The following H2AC8 variants were observed in gnomAD, a reference collection of about 807,000 sequenced individuals.
H2AC8 encodes the protein H2A clustered histone 8.
H2AC8 carries 9 observed loss-of-function variants against 6.3 expected under a neutral mutation model. The ratio of observed to expected loss-of-function variants is 1.43; its 90% CI spans 0.86 to 2.49. The LOEUF (loss-of-function observed/expected upper bound fraction) is 2.49. Among genes scored for constraint, H2AC8 ranks in the 30% most tolerant of loss-of-function variants. H2AC8 has a pLI of 0.00. For synonymous variants in H2AC8, 176 were observed against 79.6 expected, an observed-to-expected ratio of 2.21 and a Z score of -6.45; for missense variants, 141 against 177.5, an observed-to-expected ratio of 0.79 and a Z score of 1.17.
At position 26,217,061 on chromosome 6, in the gene H2AC8, C is replaced by T. The variant is rs114224033; in HGVS notation, c.87C>T (p.Gly29=). ...GGGCCGGTCTTCAGTTTCCAGTTGG[C>T]CGTGTGCACCGCCTCCTCCGCAAAG... Residue 29 remains glycine, a synonymous_variant, in exon 1 of 1, where the codon GGC becomes GGT. Transcript: ENST00000303910. 3.1e-6 allele frequency: 5 copies of T among 1,614,212 alleles called. No homozygotes were observed. The South Asian group carries it at 3.3e-5, about 11-fold the overall frequency.
exon 1 of H2AC8, chr6:26,217,284 G>A: frequency 6.2e-7 from 1 of 1,614,166 alleles, no homozygotes; most frequent in Non-Finnish European, 8.5e-7. Context: ...CGTGACCATC[G>A]CGCAGGGCGG....
At chr6:26,216,955 T>C, upstream of H2AC8, 3 of 1,613,654 alleles carry the variant, frequency 1.9e-6, no homozygotes, top group African/African-American at 1.3e-5. Context: ...TGTTAGTTCT[T>C]CTGCTGTTAG....
Position 26,217,165 on chromosome 6 carries a change from T to TA in H2AC8, c.192dup (p.Glu65ArgfsTer11). ...CTGGAATATCTGACGGCCGAGATCTTAGAGCTAGCTGGCAACGCGGCTCGC... is the reference window on the plus strand; with the variant it reads ...CTGGAATATCTGACGGCCGAGATCTTAAGAGCTAGCTGGCAACGCGGCTCGC... On this transcript the variant is annotated frameshift_variant, in exon 1 of 1. Transcript: ENST00000303910. LOFTEE classifies it high-confidence loss of function. The TA allele has an allele frequency of 6.2e-7, 1 of 1,614,068 alleles. No individual in the cohort carries two copies. The highest frequency in any genetic ancestry group is 8.5e-7 in the Non-Finnish European group (1 of 1,180,014).
chr6:26,217,260 A>G (rs1249348208), exon 1 of H2AC8: 1 of 1,614,194 alleles, frequency 6.2e-7, no homozygotes, highest in East Asian at 2.2e-5. Context: ...GGAGCTAAAT[A>G]AGCTTCTAGG....
upstream of H2AC8, chr6:26,216,930 C>T (rs565919024): frequency 4.2e-5 from 67 of 1,605,058 alleles, no homozygotes; most frequent in Admixed American, 2.2e-4. Flanking sequence ...CATTCTTTTT[C>T]TTTATTCAGT....
upstream of H2AC8, chr6:26,216,951 T>A (rs772569892): frequency 5.6e-6 from 9 of 1,613,236 alleles, no homozygotes; most frequent in African/African-American, 6.7e-5. Context: ...GGATTGTTAG[T>A]TCTTCTGCTG....
At chr6:26,217,009 G>C in exon 1 of H2AC8, 2 of 1,614,140 alleles carry the variant, frequency 1.2e-6, no homozygotes, top group Non-Finnish European at 8.5e-7. Context: ...GGCAAAGCTC[G>C]GGCAAAAGCT....
chr6:26,216,929 T>G, upstream of H2AC8: 1 of 1,605,586 alleles, frequency 6.2e-7, no homozygotes, highest in Non-Finnish European at 8.5e-7. Context: ...CCATTCTTTT[T>G]CTTTATTCAG....
chr6:26,217,337 G>C lies in H2AC8; in HGVS notation c.363G>C (p.Thr121=), dbSNP rs760636792. The change falls in exon 1 of 1, where the codon ACG becomes ACC. Residue 121 remains threonine (T), a synonymous_variant. Transcript: ENST00000303910. ...AGGCCGTATTGCTGCCTAAGAAGACGGAGAGCCACCATAAGGCCAAGGGCA... is the reference window on the plus strand; with the variant it reads ...AGGCCGTATTGCTGCCTAAGAAGACCGAGAGCCACCATAAGGCCAAGGGCA... 6 of 1,614,022 alleles carry C rather than the reference G, an allele frequency of 3.7e-6. 1 individual carries two copies. The highest frequency in any genetic ancestry group is 3.3e-5 in the South Asian group (3 of 91,084).
At chr6:26,217,275 G>C in exon 1 of H2AC8, 1 of 1,614,194 alleles carries the variant, frequency 6.2e-7, no homozygotes, top group Non-Finnish European at 8.5e-7. Flanking sequence ...TCTAGGTCGC[G>C]TGACCATCGC....
chr6:26,217,188 C>T, exon 1 of H2AC8: 2 of 1,614,154 alleles, frequency 1.2e-6, no homozygotes, highest in Non-Finnish European at 1.7e-6. Context: ...CAACGCGGCT[C>T]GCGACAATAA....
chr6:26,217,112 C>G (rs1345982684), exon 1 of H2AC8: 2 of 1,614,152 alleles, frequency 1.2e-6, no homozygotes, highest in Non-Finnish European at 1.7e-6. Context: ...GAGTCGGGGC[C>G]GGCGCTCCAG....
chr6:26,217,318 T>A, exon 1 of H2AC8: 1 of 1,614,104 alleles, frequency 6.2e-7, no homozygotes. Context: ...ATCCAGGCCG[T>A]ATTGCTGCCT....
At chr6:26,217,154 G>T (rs373465240) in exon 1 of H2AC8, 218 of 1,614,048 alleles carry the variant, frequency 1.4e-4, no homozygotes, top group Admixed American at 1.8e-4. Context: ...AATATCTGAC[G>T]GCCGAGATCT....
chr6:26,217,102 G>T, exon 1 of H2AC8: 1 of 1,614,216 alleles, frequency 6.2e-7, no homozygotes, highest in Non-Finnish European at 8.5e-7. Flanking sequence ...TACTCCGAAC[G>T]AGTCGGGGCC....
exon 1 of H2AC8, chr6:26,217,279 C>T (rs1449043607): frequency 6.2e-7 from 1 of 1,614,110 alleles, no homozygotes; most frequent in Non-Finnish European, 8.5e-7. Flanking sequence ...GGTCGCGTGA[C>T]CATCGCGCAG....
At chr6:26,216,967 A>G (rs1444339312), upstream of H2AC8, 6 of 1,613,938 alleles carry the variant, frequency 3.7e-6, no homozygotes, top group South Asian at 1.1e-5. Flanking sequence ...TGCTGTTAGG[A>G]AGCCACTATG....
At chr6:26,217,074 C>T in exon 1 of H2AC8, 1 of 1,614,220 alleles carries the variant, frequency 6.2e-7, no homozygotes, top group Non-Finnish European at 8.5e-7. Context: ...TGTGCACCGC[C>T]TCCTCCGCAA....
exon 1 of H2AC8, chr6:26,217,039 C>T (rs1261925694): frequency 6.2e-6 from 10 of 1,614,200 alleles, no homozygotes; most frequent in Admixed American, 1.7e-5. Flanking sequence ...TCTTCCAGGG[C>T]CGGTCTTCAG....
Sources: gnomAD v4.1 joint callset for allele counts on GRCh38, gnomAD v4.1.1 for gene constraint, MANE v1.5 for transcripts, NCBI Gene and HGNC (gene_info 2026-07-23, HGNC 2026-07-21) for gene names.